Variants in NAPEPLD observed in about 807,000 individuals in gnomAD.
The protein encoded by NAPEPLD is N-acyl phosphatidylethanolamine phospholipase D, also known as N-acyl-phosphatidylethanolamine-hydrolyzing phospholipase D.
Under a neutral mutation model 38.1 loss-of-function variants are expected in NAPEPLD, and 23 were observed. The observed-to-expected ratio is 0.60, with a 90% CI of 0.43 to 0.86. NAPEPLD has a LOEUF of 0.86. Among genes scored for constraint, NAPEPLD ranks in the 40% least tolerant of loss-of-function variants. NAPEPLD has a pLI of 0.00. For missense variants in NAPEPLD, 411 were observed against 476.8 expected (o/e 0.86, Z 1.28); for synonymous variants, 147 against 162.0 (o/e 0.91, Z 0.71).
Position 103,149,062 on chromosome 7 carries a change from C to G in NAPEPLD, c.-268G>C, listed in dbSNP as rs935269522. On this transcript the variant is annotated 5_prime_UTR_variant, in exon 1 of 5. Coordinates refer to ENST00000465647, the MANE Select transcript of NAPEPLD (RefSeq NM_001122838.3). Reference sequence around the variant, plus strand: ...AACCCACTCTCAGCCCGCTCCACTTCGCCGAAGAATTCCAAACCACCCCAG... The same window carrying G: ...AACCCACTCTCAGCCCGCTCCACTTGGCCGAAGAATTCCAAACCACCCCAG... 1.0e-6 allele frequency: 1 copy of G among 985,464 alleles called. No homozygotes were observed. Among genetic ancestry groups the G allele is most frequent in the Non-Finnish European group, 1.2e-6 (1 of 830,006 alleles). The allele number at this position is 985,464 out of a possible 1,614,324, so 61.0% of individuals were successfully genotyped here.
At chr7:103,108,375 T>C (rs997138180) in intron 4 of NAPEPLD, among the ~76,000 whole-genome samples, 7 of 152,128 alleles carry the variant, frequency 4.6e-5, no homozygotes, top group African/African-American at 1.4e-4. Flanking sequence ...ACTCCTGACC[T>C]CATGATCTGC....
chr7:103,114,442 C>A (rs1439057038), intron 4 of NAPEPLD, among the ~76,000 whole-genome samples: 2 of 152,182 alleles, frequency 1.3e-5, no homozygotes, highest in African/African-American at 2.4e-5. Flanking sequence ...AAGTTCCACA[C>A]TAGCCTTACT....
rs1806325184 is a variant in NAPEPLD, at chr7:103,120,041, G to GT, written c.476dup (p.Tyr159Ter). Residue 159 changes from tyrosine to a stop codon, truncating the protein, a stop_gained and frameshift_variant, in exon 3 of 5, where the codon TAC becomes TAAC. Transcript: ENST00000465647. LOFTEE classifies it high-confidence loss of function. Reference protein sequence around the residue: ...IFSSRASPSQYMGPKRFRRSP... With the variant: ...IFSSRASPSQ ...AACGACGAAATCGCTTTGGACCCAT[G>GT]TACTGCGATGGTGAAGCACGAGAGC... 6.2e-7 allele frequency: 1 copy of GT among 1,614,094 alleles called. No homozygotes were observed. Among genetic ancestry groups the GT allele is most frequent in the African/African-American group, 1.3e-5 (1 of 74,926 alleles).
At chr7:103,107,411 G>GA (rs1277552345) in intron 4 of NAPEPLD, among the ~76,000 whole-genome samples, 1 of 152,074 alleles carries the variant, frequency 6.6e-6, no homozygotes, top group African/African-American at 2.4e-5. Flanking sequence ...TTGATGAATT[G>GA]ACAGAAGCAG....
intron 4 of NAPEPLD, among the ~76,000 whole-genome samples, chr7:103,104,378 A>G (rs992577916): frequency 1.3e-5 from 2 of 152,228 alleles, no homozygotes; most frequent in Admixed American, 1.3e-4. Flanking sequence ...ACAGAAGAGA[A>G]GAGGTCCGTG....
rs915295748 is a variant in NAPEPLD, at chr7:103,102,781, G to T, written c.*648C>A. The T allele has an allele frequency of 6.5e-6, 1 of 152,696 alleles. No individual in the cohort carries two copies. The highest frequency in any genetic ancestry group is 2.1e-4 in the South Asian group (1 of 4,824). The allele number at this position is 152,696 out of a possible 1,614,324, so 9.5% of individuals were successfully genotyped here. ...CTTAAAAATGGTTAAAATGGTAAAT[G>T]TTTAAAATGGCAAATATGTATTTAT... On this transcript the variant is annotated 3_prime_UTR_variant, in exon 5 of 5. Transcript: ENST00000465647.
chr7:103,112,944 A>G (rs6952775), intron 4 of NAPEPLD, among the ~76,000 whole-genome samples: 1,681 of 152,338 alleles, frequency 0.011, 35 homozygotes, highest in African/African-American at 0.039. Flanking sequence ...TATAACAGGA[A>G]TAATTCTTGA....
In NAPEPLD at chr7:103,146,707, T is replaced by C. The variant is rs1472152244; in HGVS notation, c.-17+2104A>G. ...TACCCACAGGCAGGGGTGCAATCTG[T>C]GAGTGTGTTGCTGACCAACGCTTGC... On this transcript the variant is annotated intron_variant, in intron 1 of 4. Coordinates refer to ENST00000465647, the MANE Select transcript of NAPEPLD (RefSeq NM_001122838.3). 5.9e-5 allele frequency among the ~76,000 whole-genome samples: 9 copies of C among 152,154 alleles called. No homozygotes were observed. In the East Asian group the frequency reaches 1.7e-3, roughly 29 times the overall value.
At chr7:103,132,867 G>GC (rs1020685274) in intron 1 of NAPEPLD, among the ~76,000 whole-genome samples, 9 of 152,006 alleles carry the variant, frequency 5.9e-5, no homozygotes, top group African/African-American at 2.2e-4. Flanking sequence ...TAAATAATAA[G>GC]CTTTTTCAAA....
chr7:103,113,470 C>T (rs1804928929), intron 4 of NAPEPLD, among the ~76,000 whole-genome samples: 1 of 151,890 alleles, frequency 6.6e-6, no homozygotes, highest in South Asian at 2.1e-4. Context: ...ATAAGTGAGA[C>T]AGAGGAGTAA....
chr7:103,136,741 T>C (rs145401143), intron 1 of NAPEPLD, among the ~76,000 whole-genome samples: 4,127 of 152,316 alleles, frequency 0.027, 102 homozygotes, highest in Non-Finnish European at 0.036. Flanking sequence ...TTTTCATTTT[T>C]CTTTCCTTAA....
At position 103,132,788 on chromosome 7, in the gene NAPEPLD, GAAAGAAAGAA is replaced by G. The variant is rs778546242; in HGVS notation, c.-16-4006_-16-3997del. On this transcript the variant is annotated intron_variant, in intron 1 of 4. Coordinates refer to ENST00000465647, the MANE Select transcript of NAPEPLD (RefSeq NM_001122838.3). ...CGACAGAGCGAGACTCCGTCTCAAA[GAAAGAAAGAA>G]AGAAAAGAAACAAAAAGAAGAGAAA... Among the ~76,000 whole-genome samples the G allele has an allele frequency of 1.2e-4, 18 of 151,362 alleles. No individual in the cohort carries two copies. In the East Asian group the frequency reaches 2.3e-3, roughly 20 times the overall value.
chr7:103,141,669 C>T, intron 1 of NAPEPLD: 4 of 912,056 alleles, frequency 4.4e-6, no homozygotes, highest in Non-Finnish European at 7.4e-6. Context: ...GTGACCTTCT[C>T]TGGCATTCGG....
At position 103,119,757 on chromosome 7, in the gene NAPEPLD, C is replaced by A. The variant is rs1231414380; in HGVS notation, c.761G>T (p.Trp254Leu). Residue 254 changes from tryptophan (W) to leucine (L), a missense_variant, in exon 3 of 5, where the codon TGG becomes TTG. Transcript: ENST00000465647. ...VTFVFTPSQH[W>L]CKRTLMDDNK... Reference sequence around the variant, plus strand: ...GTCATCCATTAGAGTCCTTTTACACCAGTGCTGGGAAGGTGTAAAGACAAA... The same window carrying A: ...GTCATCCATTAGAGTCCTTTTACACAAGTGCTGGGAAGGTGTAAAGACAAA... 2 of 1,614,136 alleles carry A rather than the reference C, an allele frequency of 1.2e-6. No homozygotes were observed. Among genetic ancestry groups the A allele is most frequent in the Admixed American group, 1.7e-5 (1 of 60,004 alleles).
Position 103,125,890 on chromosome 7 carries a change from A to AAATAAT in NAPEPLD, c.294+2587_294+2592dup, listed in dbSNP as rs142799732. On this transcript the variant is annotated intron_variant, in intron 2 of 4. Coordinates refer to ENST00000465647, the MANE Select transcript of NAPEPLD (RefSeq NM_001122838.3). ...CAAAAAGAGTGAGACTCTGTCTCAA[A>AAATAAT]AATAATAATAATAATAATAATAATA... Among the ~76,000 whole-genome samples, 280 of 145,356 alleles carry AAATAAT rather than the reference A, an allele frequency of 1.9e-3. 2 individuals carry two copies. Among genetic ancestry groups the AAATAAT allele is most frequent in the African/African-American group, 5.8e-3 (230 of 39,472 alleles).
chr7:103,105,409 A>G (rs992888195), intron 4 of NAPEPLD, among the ~76,000 whole-genome samples: 8 of 152,224 alleles, frequency 5.3e-5, no homozygotes, highest in African/African-American at 1.9e-4. Context: ...AAAGACCCGG[A>G]TCACTTGAAA....
intron 4 of NAPEPLD, among the ~76,000 whole-genome samples, chr7:103,107,595 C>A (rs1475551022): frequency 6.6e-6 from 1 of 151,882 alleles, no homozygotes. Flanking sequence ...AAGAGAACTT[C>A]ATTAAGCATA....
chr7:103,144,007 C>T (rs913417700), intron 1 of NAPEPLD, among the ~76,000 whole-genome samples: 2 of 152,210 alleles, frequency 1.3e-5, no homozygotes, highest in African/African-American at 2.4e-5. Flanking sequence ...TAAGCATTTA[C>T]TATGTACCAA....
At chr7:103,111,650 A>G (rs1170172334) in intron 4 of NAPEPLD, among the ~76,000 whole-genome samples, 1 of 152,248 alleles carries the variant, frequency 6.6e-6, no homozygotes, top group Non-Finnish European at 1.5e-5. Context: ...CTAAAACCAT[A>G]AAAACCCTAG....
Sources: gnomAD v4.1 joint callset for allele counts (sites outside exome capture counted in the v4.1 genomes callset) on GRCh38, gnomAD v4.1.1 for gene constraint, MANE v1.5 for transcripts, NCBI Gene and HGNC (gene_info 2026-07-23, HGNC 2026-07-21) for gene names.